CEP350: variants seen among roughly 807,000 people sequenced by gnomAD.
The protein encoded by CEP350 is centrosome-associated protein 350.
A neutral mutation model predicts 331.8 loss-of-function variants in CEP350; 126 were observed. The observed-to-expected ratio is 0.38, with a 90% CI of 0.33 to 0.44. The LOEUF (loss-of-function observed/expected upper bound fraction) is 0.44, where lower values mean the gene tolerates loss of function less well. Among genes scored for constraint, CEP350 ranks in the 20% least tolerant of loss-of-function variants. CEP350 has a pLI of 1.00. For synonymous variants in CEP350, 1,200 were observed against 1,259.5 expected, an observed-to-expected ratio of 0.95 and a Z score of 1.00; for missense variants, 3,406 against 3,634.6, an observed-to-expected ratio of 0.94 and a Z score of 1.62.
At position 180,043,176 on chromosome 1, in the gene CEP350, A is replaced by G. The variant is rs780592124; in HGVS notation, c.4483A>G (p.Arg1495Gly). Residue 1495 changes from arginine to glycine, a missense_variant, in exon 20 of 38, where the codon AGA becomes GGA. Physicochemically the swap from Arg to Gly is moderately radical, Grantham distance 125. Transcript: ENST00000367607. ...AGACTTTGTGAAACAGCTGAGGACC[A>G]GAACTGAAACAGATAGGTTAATATT... ...LPDFVKQLRT[R>G]TETDRKSPSV... The G allele has an allele frequency of 5.0e-6, 8 of 1,613,072 alleles. No individual in the cohort carries two copies. Among genetic ancestry groups the G allele is most frequent in the Admixed American group, 3.3e-5 (2 of 59,852 alleles).
chr1:180,000,631 A>T (rs1653800034), intron 6 of CEP350: 1 of 185,106 alleles, frequency 5.4e-6, no homozygotes. Flanking sequence ...ATGGGTTCTG[A>T]ATCCAAATAC....
chr1:180,004,896 TTGCTTGCTTG>T (rs1558093082), intron 7 of CEP350, among the ~76,000 whole-genome samples: 52 of 44,828 alleles, frequency 1.2e-3, no homozygotes, highest in Middle Eastern at 0.019. Flanking sequence ...GCTTGCTTGC[TTGCTTGCTTG>T]CTTTCTTTCT....
chr1:180,090,406 C>T (rs1230318201), intron 32 of CEP350, among the ~76,000 whole-genome samples: 3 of 151,000 alleles, frequency 2.0e-5, no homozygotes, highest in Non-Finnish European at 3.0e-5. Context: ...ATTAGCCGGG[C>T]GTGGTGGCGG....
intron 8 of CEP350, among the ~76,000 whole-genome samples, chr1:180,009,635 A>T (rs891769300): frequency 1.3e-5 from 2 of 152,196 alleles, no homozygotes; most frequent in Non-Finnish European, 2.9e-5. Flanking sequence ...ACATGTATAA[A>T]TTACTATCCA....
intron 25 of CEP350, among the ~76,000 whole-genome samples, chr1:180,061,223 TCTCA>T (rs1205604737): frequency 6.7e-6 from 1 of 149,834 alleles, no homozygotes; most frequent in Non-Finnish European, 1.5e-5. Flanking sequence ...TGAGACAGGG[TCTCA>T]CTCTGTTTCC....
rs771144543 is a variant in CEP350, at chr1:180,013,995, G to A, written c.1542G>A (p.Glu514=). 3 of 1,613,678 alleles carry A rather than the reference G, an allele frequency of 1.9e-6. No individual in the cohort carries two copies. In the African/African-American group the frequency reaches 4.0e-5, roughly 22 times the overall value. ...CATCTCTTCCAGATAATAAGCAGGA[G>A]GAAAATACTGCCTTAAATAAGGACT... is the stretch of plus-strand genomic sequence containing the variant. ...LASSLPDNKQ[E]ENTALNKDFL... Residue 514 remains glutamate (E), a synonymous_variant, in exon 10 of 38, where the codon GAG becomes GAA. Coordinates refer to ENST00000367607, the MANE Select transcript of CEP350 (RefSeq NM_014810.5).
At chr1:180,038,068 C>CT (rs1385764448) in intron 17 of CEP350, among the ~76,000 whole-genome samples, 15 of 152,174 alleles carry the variant, frequency 9.9e-5, no homozygotes, top group Non-Finnish European at 1.5e-5. Context: ...ATTACTCCCC[C>CT]TTCCCAAAGG....
intron 14 of CEP350, among the ~76,000 whole-genome samples, chr1:180,028,448 C>T (rs1655812211): frequency 6.6e-6 from 1 of 152,200 alleles, no homozygotes; most frequent in Non-Finnish European, 1.5e-5. Flanking sequence ...ACTTCTGACT[C>T]CCAAATCCAG....
intron 14 of CEP350, among the ~76,000 whole-genome samples, chr1:180,025,790 C>G (rs112794382): frequency 0.035 from 5,382 of 152,124 alleles, 178 homozygotes; most frequent in African/African-American, 0.072. Flanking sequence ...GGACAAATAC[C>G]TAATGCATGC....
intron 8 of CEP350, among the ~76,000 whole-genome samples, chr1:180,011,415 A>C (rs573923286): frequency 1.6e-4 from 25 of 152,232 alleles, no homozygotes; most frequent in African/African-American, 6.0e-4. Context: ...GTATGTTAAG[A>C]CATATTTTTG....
intron 14 of CEP350, among the ~76,000 whole-genome samples, chr1:180,028,148 G>A (rs1372336987): frequency 6.6e-6 from 1 of 152,068 alleles, no homozygotes; most frequent in Non-Finnish European, 1.5e-5. Flanking sequence ...CAGAAATTTG[G>A]GAAATTCTTT....
intron 1 of CEP350, among the ~76,000 whole-genome samples, chr1:179,969,727 A>T (rs1374688320): frequency 6.6e-6 from 1 of 152,056 alleles, no homozygotes; most frequent in Non-Finnish European, 1.5e-5. Context: ...CTGAAGTGGG[A>T]GGGTTGCTTG....
At chr1:180,060,508 A>G (rs1658156988) in intron 25 of CEP350, among the ~76,000 whole-genome samples, 1 of 152,174 alleles carries the variant, frequency 6.6e-6, no homozygotes, top group African/African-American at 2.4e-5. Context: ...AATAAAAATT[A>G]GCTATGCGTG....
At chr1:179,966,989 A>ATTT (rs1391258732) in intron 1 of CEP350, among the ~76,000 whole-genome samples, 2 of 152,176 alleles carry the variant, frequency 1.3e-5, no homozygotes, top group Non-Finnish European at 2.9e-5. Context: ...TTAAAATTAA[A>ATTT]AACCTTAGAC....
At chr1:180,044,198 C>G in intron 21 of CEP350, 25 bp downstream of exon 21, 1 of 1,542,746 alleles carries the variant, frequency 6.5e-7, no homozygotes, top group South Asian at 1.2e-5. Flanking sequence ...ATTTCTTTGT[C>G]AGTACAGTTT....
chr1:179,966,351 G>T (rs961280533), intron 1 of CEP350, among the ~76,000 whole-genome samples: 2 of 152,078 alleles, frequency 1.3e-5, no homozygotes, highest in African/African-American at 2.4e-5. Flanking sequence ...TGTTCATTTG[G>T]AATGTACCGT....
intron 1 of CEP350, among the ~76,000 whole-genome samples, chr1:179,983,839 G>A (rs1279914188): frequency 1.3e-5 from 2 of 152,162 alleles, no homozygotes; most frequent in Non-Finnish European, 2.9e-5. Flanking sequence ...TAAGATCCTG[G>A]TAGGTACGTG....
intron 6 of CEP350, among the ~76,000 whole-genome samples, chr1:179,999,860 A>G (rs1231955127): frequency 6.6e-6 from 1 of 152,212 alleles, no homozygotes; most frequent in Non-Finnish European, 1.5e-5. Context: ...AAACCTAAGA[A>G]GTGCTCTATG....
chr1:180,068,123 C>T (rs1319532979), intron 27 of CEP350, among the ~76,000 whole-genome samples: 1 of 152,142 alleles, frequency 6.6e-6, no homozygotes, highest in African/African-American at 2.4e-5. Context: ...GGAACCTTTT[C>T]ATTTTATAAC....
Sources: allele counts gnomAD v4.1 joint callset (sites outside exome capture counted in the v4.1 genomes callset), GRCh38; gene constraint gnomAD v4.1.1; transcripts MANE v1.5; gene names NCBI Gene and HGNC (gene_info 2026-07-23, HGNC 2026-07-21).